The following GALNT13 variants were observed in gnomAD, a reference collection of about 807,000 sequenced individuals.
GALNT13 encodes the protein UDP-GalNAc:polypeptide N-acetylgalactosaminyltransferase 13.
A neutral mutation model predicts 64.2 loss-of-function variants in GALNT13; 28 were observed. The observed-to-expected ratio is 0.44, with a 90% CI of 0.32 to 0.60. The LOEUF is 0.60. Among genes scored for constraint, GALNT13 ranks in the 20% least tolerant of loss-of-function variants. The pLI, the probability that GALNT13 is intolerant of heterozygous loss-of-function variation, is 0.05. For synonymous variants in GALNT13, 214 were observed against 224.6 expected, an observed-to-expected ratio of 0.95 and a Z score of 0.42; for missense variants, 577 against 669.8, an observed-to-expected ratio of 0.86 and a Z score of 1.53.
chr2:153,380,903 G>T, the GALNT13 span, among the ~76,000 whole-genome samples: 1 of 151,980 alleles, frequency 6.6e-6, no homozygotes, highest in South Asian at 2.1e-4. Flanking sequence ...ATAGCATTTA[G>T]TCAATTTGGG....
At chr2:153,419,268 G>A in the GALNT13 span, among the ~76,000 whole-genome samples, 2 of 152,154 alleles carry the variant, frequency 1.3e-5, no homozygotes, top group African/African-American at 4.8e-5. Context: ...AACTCAATCA[G>A]TATCATGAGA....
the GALNT13 span, among the ~76,000 whole-genome samples, chr2:153,544,427 A>G: frequency 8.7e-3 from 1,327 of 152,310 alleles, 12 homozygotes; most frequent in East Asian, 0.044. Flanking sequence ...TAATACAAGC[A>G]TTGCATGATG....
the GALNT13 span, among the ~76,000 whole-genome samples, chr2:153,326,703 T>C: frequency 2.6e-5 from 4 of 152,198 alleles, no homozygotes; most frequent in Non-Finnish European, 4.4e-5. Context: ...TCCCTCAGCA[T>C]TTGCTTGTCT....
chr2:153,324,768 A>G, the GALNT13 span, among the ~76,000 whole-genome samples: 1 of 152,308 alleles, frequency 6.6e-6, no homozygotes, highest in South Asian at 2.1e-4. Context: ...GGTTCTGTTT[A>G]TGTGATGGAT....
the GALNT13 span, among the ~76,000 whole-genome samples, chr2:153,359,780 A>T: frequency 1.3e-5 from 2 of 152,180 alleles, no homozygotes; most frequent in African/African-American, 4.8e-5. Context: ...AATAATTACA[A>T]TTCATATATT....
At chr2:153,386,750 T>C in the GALNT13 span, among the ~76,000 whole-genome samples, 1 of 152,180 alleles carries the variant, frequency 6.6e-6, no homozygotes, top group Admixed American at 6.6e-5. Context: ...TCACTTATAA[T>C]TGGATACAGC....
At chr2:153,308,457 T>C in the GALNT13 span, among the ~76,000 whole-genome samples, 1 of 152,188 alleles carries the variant, frequency 6.6e-6, no homozygotes, top group South Asian at 2.1e-4. Context: ...CACCTTCTAC[T>C]TCCATTTGAA....
At chr2:153,305,027 AT>A in the GALNT13 span, among the ~76,000 whole-genome samples, 1 of 152,050 alleles carries the variant, frequency 6.6e-6, no homozygotes, top group Non-Finnish European at 1.5e-5. Context: ...GAAAAATATA[AT>A]TTTGGGGGGT....
chr2:153,405,907 C>A, the GALNT13 span, among the ~76,000 whole-genome samples: 1 of 152,132 alleles, frequency 6.6e-6, no homozygotes, highest in African/African-American at 2.4e-5. Context: ...GACTGGCAAG[C>A]AAAGATTCAC....
intron 11 of GALNT13, among the ~76,000 whole-genome samples, chr2:154,413,210 G>A (rs1235334413): frequency 6.6e-6 from 1 of 151,806 alleles, no homozygotes; most frequent in African/African-American, 2.4e-5. Flanking sequence ...AAACCCACCT[G>A]TTTCCAAACT....
chr2:153,341,365 G>T, the GALNT13 span, among the ~76,000 whole-genome samples: 1 of 152,124 alleles, frequency 6.6e-6, no homozygotes, highest in Non-Finnish European at 1.5e-5. Flanking sequence ...CACTTCAGTG[G>T]CTAATATATT....
chr2:153,283,538 G>A, the GALNT13 span, among the ~76,000 whole-genome samples: 1 of 152,138 alleles, frequency 6.6e-6, no homozygotes, highest in Non-Finnish European at 1.5e-5. Flanking sequence ...TCAGGCTGCT[G>A]ATTCAAGTTA....
At chr2:153,700,899 T>C in the GALNT13 span, among the ~76,000 whole-genome samples, 5 of 152,266 alleles carry the variant, frequency 3.3e-5, no homozygotes, top group Non-Finnish European at 5.9e-5. Flanking sequence ...ATCAATATTG[T>C]GAAAATAACC....
chr2:154,062,290 G>A (rs1700228219), intron 3 of GALNT13, among the ~76,000 whole-genome samples: 1 of 152,052 alleles, frequency 6.6e-6, no homozygotes, highest in African/African-American at 2.4e-5. Flanking sequence ...AAATTTTTAT[G>A]TGATTCTATT....
chr2:153,245,339 C>G, the GALNT13 span, among the ~76,000 whole-genome samples: 1 of 152,246 alleles, frequency 6.6e-6, no homozygotes, highest in East Asian at 1.9e-4. Context: ...TGCCTCTTGA[C>G]TGGGAGAGGC....
intron 3 of GALNT13, among the ~76,000 whole-genome samples, chr2:154,028,909 A>C (rs1489991397): frequency 6.6e-6 from 1 of 152,070 alleles, no homozygotes; most frequent in Non-Finnish European, 1.5e-5. Context: ...TCATGGAGTC[A>C]TCAGAGAACT....
At chr2:154,357,579 C>G (rs150241198) in intron 9 of GALNT13, among the ~76,000 whole-genome samples, 1 of 151,952 alleles carries the variant, frequency 6.6e-6, no homozygotes, top group East Asian at 1.9e-4. Context: ...ATGACAACGG[C>G]GAAAATACCT....
the GALNT13 span, chr2:153,478,409 T>G: frequency 1.2e-6 from 2 of 1,614,026 alleles, no homozygotes; most frequent in African/African-American, 2.7e-5. Flanking sequence ...ACGCGCATTA[T>G]GTACAGGCTA....
At chr2:153,130,890 G>C in the GALNT13 span, among the ~76,000 whole-genome samples, 4 of 152,176 alleles carry the variant, frequency 2.6e-5, no homozygotes, top group Non-Finnish European at 5.9e-5. Flanking sequence ...AAAATAAATA[G>C]TTGTACAGTC....
Sources: allele counts gnomAD v4.1 joint callset (sites outside exome capture counted in the v4.1 genomes callset), GRCh38; gene constraint gnomAD v4.1.1; transcripts MANE v1.5; gene names NCBI Gene and HGNC (gene_info 2026-07-23, HGNC 2026-07-21).